The following RAD51B variants were observed in gnomAD, a reference collection of about 807,000 sequenced individuals.
RAD51B encodes DNA repair protein RAD51 homolog 2.
Under a neutral mutation model 42.2 loss-of-function variants are expected in RAD51B, and 38 were observed. That is an observed-to-expected ratio of 0.90 (90% CI 0.70 to 1.18). The LOEUF is 1.18. RAD51B is among the 50% of genes most tolerant of loss of function. RAD51B has a pLI of 0.00. For synonymous variants in RAD51B, 154 were observed against 145.2 expected, an observed-to-expected ratio of 1.06 and a Z score of -0.43; for missense variants, 373 against 400.7, an observed-to-expected ratio of 0.93 and a Z score of 0.59.
chr14:68,329,000 T>A (rs901053937), intron 8 of RAD51B, among the ~76,000 whole-genome samples: 1 of 152,168 alleles, frequency 6.6e-6, no homozygotes, highest in Non-Finnish European at 1.5e-5. Context: ...ATGTCACTTT[T>A]TATTTTTATT....
chr14:68,568,068 G>C (rs1787931122), intron 10 of RAD51B, among the ~76,000 whole-genome samples: 1 of 152,186 alleles, frequency 6.6e-6, no homozygotes, highest in African/African-American at 2.4e-5. Context: ...TCATGGTTCA[G>C]TTCAAATCTT....
At chr14:68,610,843 ATGTGTGTG>A (rs60173412) in intron 10 of RAD51B, among the ~76,000 whole-genome samples, 54,942 of 144,786 alleles carry the variant, frequency 0.38, 10,390 homozygotes, top group East Asian at 0.59. Context: ...CTGAATGTAT[ATGTGTGTG>A]TGTGTGTGTG....
intron 7 of RAD51B, among the ~76,000 whole-genome samples, chr14:67,927,094 C>T (rs971332651): frequency 1.3e-5 from 2 of 152,126 alleles, no homozygotes; most frequent in African/African-American, 4.8e-5. Flanking sequence ...GGTTCATATC[C>T]ATGAATGTAT....
At chr14:68,265,478 G>A (rs551372862) in intron 7 of RAD51B, among the ~76,000 whole-genome samples, 40 of 152,254 alleles carry the variant, frequency 2.6e-4, no homozygotes, top group African/African-American at 8.4e-4. Flanking sequence ...GGCCAGGCGC[G>A]GTGGCTCACA....
intron 7 of RAD51B, among the ~76,000 whole-genome samples, chr14:68,272,278 C>A (rs57218768): frequency 0.026 from 3,991 of 152,118 alleles, 188 homozygotes; most frequent in African/African-American, 0.09. Context: ...TAGTAAAAGA[C>A]AAGAGATGCC....
At chr14:68,120,345 T>G (rs938274232) in intron 7 of RAD51B, among the ~76,000 whole-genome samples, 1 of 152,254 alleles carries the variant, frequency 6.6e-6, no homozygotes, top group Non-Finnish European at 1.5e-5. Context: ...TTGTCAATTT[T>G]GGCTTTTGTT....
At chr14:68,183,626 G>T (rs748220835) in intron 7 of RAD51B, among the ~76,000 whole-genome samples, 31 of 152,200 alleles carry the variant, frequency 2.0e-4, no homozygotes, top group Non-Finnish European at 3.1e-4. Flanking sequence ...ACCTCTAGCC[G>T]CAGTTCCATT....
intron 7 of RAD51B, among the ~76,000 whole-genome samples, chr14:68,118,012 C>T (rs1207908381): frequency 6.6e-6 from 1 of 152,184 alleles, no homozygotes; most frequent in Non-Finnish European, 1.5e-5. Flanking sequence ...AAATAGATTA[C>T]TGACCTTTTC....
At chr14:68,030,119 G>T (rs1186442622) in intron 7 of RAD51B, among the ~76,000 whole-genome samples, 1 of 152,214 alleles carries the variant, frequency 6.6e-6, no homozygotes, top group Non-Finnish European at 1.5e-5. Flanking sequence ...AGGCAGAGTA[G>T]ATTAGCATAA....
rs1248461531 is a variant in RAD51B, at chr14:68,565,682, T to C, written c.1037-28803T>C. ...CCTTGCTGCTGTCTCTGTCTCATGG[T>C]TGATTATTAATATATTGATTACATT... On this transcript the variant is annotated intron_variant, in intron 10 of 10. Coordinates refer to the RAD51B transcript ENST00000487270. This position sits in a 1 kb window ranked among gnomAD's most constrained non-coding sequence, Gnocchi z 4.1. 6.6e-6 allele frequency among the ~76,000 whole-genome samples: 1 copy of C among 152,198 alleles called. No individual in the cohort carries two copies. The highest frequency in any genetic ancestry group is 1.5e-5 in the Non-Finnish European group (1 of 68,032).
intron 7 of RAD51B, among the ~76,000 whole-genome samples, chr14:68,258,404 A>T (rs1427910069): frequency 4.0e-5 from 6 of 149,334 alleles, no homozygotes; most frequent in African/African-American, 1.2e-4. Flanking sequence ...CTATACACAC[A>T]CACCACACAC....
intron 7 of RAD51B, among the ~76,000 whole-genome samples, chr14:68,268,348 C>T (rs1028478888): frequency 7.2e-5 from 11 of 152,140 alleles, no homozygotes; most frequent in Non-Finnish European, 1.6e-4. Flanking sequence ...CAACTGATCA[C>T]CAGCACGTCA....
At chr14:68,402,442 GATGAATTGAATGA>G (rs2084133342) in intron 8 of RAD51B, among the ~76,000 whole-genome samples, 1 of 152,202 alleles carries the variant, frequency 6.6e-6, no homozygotes, top group Non-Finnish European at 1.5e-5. Context: ...TTGAATGGAT[GATGAATTGAATGA>G]ATGAATTGAA....
At chr14:68,393,719 A>G (rs1343092936) in intron 8 of RAD51B, among the ~76,000 whole-genome samples, 1 of 152,190 alleles carries the variant, frequency 6.6e-6, no homozygotes, top group East Asian at 1.9e-4. Flanking sequence ...TTGACATGGC[A>G]ATGGAGGCCT....
intron 5 of RAD51B, among the ~76,000 whole-genome samples, chr14:67,870,732 C>T (rs1168231086): frequency 9.2e-5 from 10 of 108,624 alleles, no homozygotes; most frequent in African/African-American, 2.6e-4. Context: ...TTATAACAAA[C>T]TATCTCTCAG....
chr14:68,656,970 G>A (rs116197000), intron 11 of RAD51B, among the ~76,000 whole-genome samples: 8,208 of 152,278 alleles, frequency 0.054, 737 homozygotes, highest in African/African-American at 0.19. Flanking sequence ...AAGGGTTTAA[G>A]CAGCCTGGTT....
Position 67,865,620 on chromosome 14 carries a change from C to G in RAD51B, c.452+481C>G, listed in dbSNP as rs182993941. On this transcript the variant is annotated intron_variant, in intron 5 of 10. Transcript: ENST00000471583. Reference sequence around the variant, plus strand: ...GTGGCAGGATCTCAGCTCACTGCAACCTCCGCCTCCCGGGTTCAAGCGATT... The same window carrying G: ...GTGGCAGGATCTCAGCTCACTGCAAGCTCCGCCTCCCGGGTTCAAGCGATT... 6.2e-3 allele frequency among the ~76,000 whole-genome samples: 881 copies of G among 141,654 alleles called. 7 individuals are homozygous for G. Among genetic ancestry groups the G allele is most frequent in the African/African-American group, 0.022 (833 of 37,808 alleles). 92.9% of individuals were successfully genotyped at this position (141,654 alleles called of 152,430 possible). A position where few individuals can be genotyped will look rare whatever the true frequency, so the allele number is the denominator to read the frequency against.
chr14:68,106,968 C>T (rs2140569184), intron 7 of RAD51B, among the ~76,000 whole-genome samples: 1 of 151,910 alleles, frequency 6.6e-6, no homozygotes. Flanking sequence ...AAAACTGAGG[C>T]TACAGAAGGA....
chr14:68,085,178 TA>T, intron 7 of RAD51B, among the ~76,000 whole-genome samples: 1 of 152,216 alleles, frequency 6.6e-6, no homozygotes, highest in Non-Finnish European at 1.5e-5. Context: ...AAGGAAGAGT[TA>T]GACAGTGAAC....
Sources: allele counts gnomAD v4.1 joint callset (sites outside exome capture counted in the v4.1 genomes callset), GRCh38; gene constraint gnomAD v4.1.1; non-coding constraint Gnocchi (gnomAD v3.1); transcripts MANE v1.5; gene names NCBI Gene and HGNC (gene_info 2026-07-23, HGNC 2026-07-21).